The following ARMC5 variants were observed in gnomAD, a reference collection of about 807,000 sequenced individuals.
ARMC5 encodes armadillo repeat containing 5, also known as armadillo repeat-containing protein 5.
ARMC5 carries 28 observed loss-of-function variants against 60.5 expected under a neutral mutation model. The observed-to-expected ratio is 0.46, with a 90% CI of 0.34 to 0.63. The LOEUF (loss-of-function observed/expected upper bound fraction) is 0.63, where lower values mean the gene tolerates loss of function less well. Ranked by LOEUF, ARMC5 falls within the 30% of genes least tolerant of loss-of-function variation. The pLI is 0.01. For missense variants in ARMC5, 1,189 were observed against 1,304.9 expected, an observed-to-expected ratio of 0.91 and a Z score of 1.37; for synonymous variants, 680 against 607.3, an observed-to-expected ratio of 1.12 and a Z score of -1.76.
chr16:31,460,168 C>T (rs1408535228), intron 1 of ARMC5, 169 bp downstream of exon 1: 8 of 668,446 alleles, frequency 1.2e-5, no homozygotes, highest in Non-Finnish European at 1.9e-5. Context: ...ACTGCACTCT[C>T]TATAGATGAG....
chr16:31,466,899 G>A lies in ARMC5; in HGVS notation c.*10G>A, dbSNP rs371319311. On this transcript the variant is annotated 3_prime_UTR_variant, in exon 6 of 6. Transcript: ENST00000268314. This position sits in a 1 kb window ranked among gnomAD's most constrained non-coding sequence, Gnocchi z 8.0. ...AAGGGTCCCTGCCTAGACTGTTGAC[G>A]TCCCCTGGGAAGGGGACCCAAGGAT... The A allele has an allele frequency of 9.9e-6, 15 of 1,517,464 alleles. No homozygotes were observed. The highest frequency in any genetic ancestry group is 2.0e-4 in the Middle Eastern group (1 of 5,026). The allele number at this position is 1,517,464 out of a possible 1,614,324, so 94.0% of individuals were successfully genotyped here. A position where few individuals can be genotyped will look rare whatever the true frequency, so the allele number is the denominator to read the frequency against.
Position 31,464,411 on chromosome 16 carries a change from A to G in ARMC5, c.1388A>G (p.Glu463Gly). 1 of 1,533,198 alleles carries G rather than the reference A, an allele frequency of 6.5e-7. No individual in the cohort carries two copies. Among genetic ancestry groups the G allele is most frequent in the Non-Finnish European group, 8.8e-7 (1 of 1,140,880 alleles). 95.0% of individuals were successfully genotyped at this position (1,533,198 alleles called of 1,614,324 possible). A position where few individuals can be genotyped will look rare whatever the true frequency, so the allele number is the denominator to read the frequency against. ...FRSLRSWLISEGYATGPDDIS... is the reference protein window; with the variant it reads ...FRSLRSWLISGGYATGPDDIS... ...CTCCGCAGGTCGTGGCTGATCTCCG[A>G]GGGCTATGCCACAGGCCCTGATGAC... Residue 463 changes from glutamate to glycine, a missense_variant, in exon 4 of 6, where the codon GAG (glutamate) becomes GGG (glycine). By Grantham distance (98) the Glu-to-Gly change is moderately conservative. Coordinates refer to ENST00000268314, the MANE Select transcript of ARMC5 (RefSeq NM_001105247.2). This position sits in a 1 kb window ranked among gnomAD's most constrained non-coding sequence, Gnocchi z 7.6.
chr16:31,461,634 G>C (rs539421758), intron 1 of ARMC5, among the ~76,000 whole-genome samples: 14 of 152,152 alleles, frequency 9.2e-5, no homozygotes, highest in Non-Finnish European at 1.9e-4. Context: ...CAGCCTCCCG[G>C]GTAGCTGGGA....
chr16:31,459,138 G>C (rs1356641672), upstream of ARMC5: 1 of 1,491,980 alleles, frequency 6.7e-7, no homozygotes, highest in East Asian at 2.5e-5. Context: ...AGGAGAAAAG[G>C]CGGTCCCCGC....
chr16:31,461,653 G>A (rs942634469), intron 1 of ARMC5, among the ~76,000 whole-genome samples: 2 of 152,116 alleles, frequency 1.3e-5, no homozygotes, highest in Non-Finnish European at 1.5e-5. Flanking sequence ...GATTACAGGC[G>A]TGTACCACCA....
At position 31,459,784 on chromosome 16, in the gene ARMC5, C is replaced by T. The variant is rs758689001; in HGVS notation, c.260C>T (p.Ala87Val). The T allele has an allele frequency of 6.5e-7, 1 of 1,539,444 alleles. No individual in the cohort carries two copies. The highest frequency in any genetic ancestry group is 2.5e-5 in the East Asian group (1 of 40,760). Reference protein sequence around the residue: ...AAAAGSAPSQAGPGSAPSSAA... With the variant: ...AAAAGSAPSQVGPGSAPSSAA... ...GCAGCGGGTTCCGCCCCGTCCCAGGCAGGCCCCGGCTCCGCCCCCTCGTCG... is the reference window on the plus strand; with the variant it reads ...GCAGCGGGTTCCGCCCCGTCCCAGGTAGGCCCCGGCTCCGCCCCCTCGTCG... Residue 87 changes from alanine to valine, a missense_variant, in exon 1 of 6, where the codon GCA becomes GTA. By Grantham distance (64) the Ala-to-Val change is moderately conservative. Around this residue, in one of 2 missense-constraint regions of ARMC5, gnomAD observed 327 missense variants for 233.7 expected, o/e 1.40. Coordinates refer to ENST00000268314, the MANE Select transcript of ARMC5 (RefSeq NM_001105247.2).
rs746628562 is a variant in ARMC5, at chr16:31,462,886, C to T, written c.1339C>T (p.Arg447Trp). The change falls in exon 3 of 6, where the codon CGG (arginine) becomes TGG (tryptophan). Residue 447 changes from arginine to tryptophan, a missense_variant. By Grantham distance (101) the Arg-to-Trp change is moderately radical. Coordinates refer to ENST00000268314, the MANE Select transcript of ARMC5 (RefSeq NM_001105247.2). This position sits in a 1 kb window ranked among gnomAD's most constrained non-coding sequence, Gnocchi z 7.2. ...WDFPEERTPE[R>W]AQGGSFRSLR... is the part of the protein sequence containing the mutation. ...CTTTCCTGAGGAGAGGACCCCTGAGCGGGCACAGGGTGGAAGCTTCCGGAG... is the reference window on the plus strand; with the variant it reads ...CTTTCCTGAGGAGAGGACCCCTGAGTGGGCACAGGGTGGAAGCTTCCGGAG... The T allele has an allele frequency of 1.1e-5, 17 of 1,609,124 alleles. No individual in the cohort carries two copies. Among genetic ancestry groups the T allele is most frequent in the East Asian group, 2.2e-5 (1 of 44,824 alleles).
upstream of ARMC5, chr16:31,459,095 C>T: frequency 6.7e-7 from 1 of 1,483,888 alleles, no homozygotes; most frequent in East Asian, 2.5e-5. Context: ...GGCCGGGCCG[C>T]ACCACCGCTG....
chr16:31,459,918 G>T lies in ARMC5; in HGVS notation c.394G>T (p.Ala132Ser). 2 of 1,606,078 alleles carry T rather than the reference G, an allele frequency of 1.2e-6. No homozygotes were observed. ...PVRLRKTLDL[A>S]LSILADCCTE... ...GCGCCTGCGCAAGACGCTGGACTTG[G>T]CGCTCAGCATCCTAGCCGATTGCTG... is the stretch of plus-strand genomic sequence containing the variant. The change falls in exon 1 of 6, where the codon GCG becomes TCG. Residue 132 changes from alanine (A) to serine (S), a missense_variant. Physicochemically the swap from Ala to Ser is moderately conservative, Grantham distance 99. Transcript: ENST00000268314.
intron 1 of ARMC5, among the ~76,000 whole-genome samples, chr16:31,461,117 C>T (rs2082300116): frequency 6.6e-6 from 1 of 152,174 alleles, no homozygotes; most frequent in Non-Finnish European, 1.5e-5. Flanking sequence ...CTTCCTACTT[C>T]CATTGTGTGC....
rs571045241 is a variant in ARMC5 at position 31,459,871 on chromosome 16, C to T, written c.347C>T (p.Ser116Leu). The T allele has an allele frequency of 1.9e-5, 30 of 1,603,798 alleles. No individual in the cohort carries two copies. In the East Asian group the frequency reaches 2.7e-4, roughly 14 times the overall value. ...GGCCCCGCCCCCTCCGCTGTGTCGT[C>T]GTCTAGTCCTACGCCGCCAGTGCGC... ...ASGPAPSAVS[S>L]SSPTPPVRLR... Residue 116 changes from serine (S) to leucine (L), a missense_variant, in exon 1 of 6, where the codon TCG (serine) becomes TTG (leucine). Ser to Leu is a moderately radical substitution (Grantham distance 145, BLOSUM62 -2). This residue lies in a region of ARMC5 where 327 missense variants were observed against 233.7 expected (regional missense o/e 1.40). Coordinates refer to ENST00000268314, the MANE Select transcript of ARMC5 (RefSeq NM_001105247.2).
intron 1 of ARMC5, among the ~76,000 whole-genome samples, chr16:31,460,772 G>A (rs2082297794): frequency 6.6e-6 from 1 of 152,136 alleles, no homozygotes; most frequent in Non-Finnish European, 1.5e-5. Context: ...AGTCGCTTAG[G>A]AAGCAGGAAA....
Position 31,462,963 on chromosome 16 carries a change from G to T in ARMC5, c.1370+46G>T. Reference sequence around the variant, plus strand: ...TTGGGAGGGTGAGCAGTGCAGTGATGTGGGGTTTGTGTCTGTCTTGGTCCT... The same window carrying T: ...TTGGGAGGGTGAGCAGTGCAGTGATTTGGGGTTTGTGTCTGTCTTGGTCCT... On this transcript the variant is annotated intron_variant, in intron 3 of 5. Transcript: ENST00000268314. This position sits in a 1 kb window ranked among gnomAD's most constrained non-coding sequence, Gnocchi z 7.2. 6.8e-7 allele frequency: 1 copy of T among 1,470,216 alleles called. No individual in the cohort carries two copies. Among genetic ancestry groups the T allele is most frequent in the South Asian group, 1.4e-5 (1 of 71,516 alleles). 91.1% of individuals were successfully genotyped at this position (1,470,216 alleles called of 1,614,324 possible).
Position 31,464,782 on chromosome 16 carries a change from T to G in ARMC5, c.1759T>G (p.Tyr587Asp), listed in dbSNP as rs1470547780. 6.3e-7 allele frequency: 1 copy of G among 1,599,058 alleles called. No individual in the cohort carries two copies. The highest frequency in any genetic ancestry group is 8.5e-7 in the Non-Finnish European group (1 of 1,179,148). ...PACLEAFVRS[Y>D]GAALLRAWLV... The stretch of plus-strand genomic sequence containing the variant: ...CTGCCTCGAGGCCTTCGTGCGCAGC[T>G]ATGGCGCGGCGCTGCTGCGGGCCTG... Residue 587 changes from tyrosine to aspartate, a missense_variant, in exon 4 of 6, where the codon TAT becomes GAT. By Grantham distance (160) the Tyr-to-Asp change is radical. Around this residue, in one of 2 missense-constraint regions of ARMC5, gnomAD observed 862 missense variants for 1,071.2 expected, o/e 0.80. Transcript: ENST00000268314. This position sits in a 1 kb window ranked among gnomAD's most constrained non-coding sequence, Gnocchi z 7.6.
chr16:31,458,501 G>T, upstream of ARMC5: 2 of 1,535,730 alleles, frequency 1.3e-6, no homozygotes, highest in Non-Finnish European at 1.7e-6. Flanking sequence ...CCCGGACAAC[G>T]GTAAGGCTTG....
rs200289596 is a variant in ARMC5 at position 31,460,010 on chromosome 16, C to T, written c.475+11C>T. The T allele has an allele frequency of 2.4e-3, 3,838 of 1,593,552 alleles. 77 individuals carry two copies. The South Asian group carries it at 0.027, about 11-fold the overall frequency. ...GCATACTCCCTTTGGGTAAGTGCTC[C>T]GCCCCCGTTTCCTAGAAAGATTAGG... On this transcript the variant is annotated intron_variant, in intron 1 of 5. Transcript: ENST00000268314.
At chr16:31,461,832 T>A (rs1464522632) in intron 1 of ARMC5, 90 bp from the exon 2 acceptor site, 5 of 1,245,596 alleles carry the variant, frequency 4.0e-6, no homozygotes, top group African/African-American at 1.5e-5. Context: ...TCTGAAAGCC[T>A]TCCAGGCCCT....
intron 3 of ARMC5, among the ~76,000 whole-genome samples, chr16:31,463,928 G>A (rs979129616): frequency 6.6e-6 from 1 of 152,096 alleles, no homozygotes; most frequent in Non-Finnish European, 1.5e-5. Context: ...GGTTTTAGTC[G>A]TATCCCCCTC....
intron 1 of ARMC5, among the ~76,000 whole-genome samples, chr16:31,461,180 G>A (rs528689481): frequency 6.2e-4 from 95 of 152,164 alleles, no homozygotes; most frequent in Non-Finnish European, 1.2e-3. Context: ...GTTGGTTCAA[G>A]CTATTGTCTT....
Sources: allele counts gnomAD v4.1 joint callset (sites outside exome capture counted in the v4.1 genomes callset), GRCh38; gene constraint gnomAD v4.1.1; regional missense constraint gnomAD v4.1.1; non-coding constraint Gnocchi (gnomAD v3.1); transcripts MANE v1.5; gene names NCBI Gene and HGNC (gene_info 2026-07-23, HGNC 2026-07-21).